The following OSBPL2 variants were observed in gnomAD, a reference collection of about 807,000 sequenced individuals.
The protein encoded by OSBPL2 is oxysterol-binding protein-related protein 2.
A neutral mutation model predicts 58.4 loss-of-function variants in OSBPL2; 18 were observed. That is an observed-to-expected ratio of 0.31 (90% CI 0.21 to 0.46). The LOEUF (loss-of-function observed/expected upper bound fraction) is 0.46. Among genes scored for constraint, OSBPL2 ranks in the 20% least tolerant of loss-of-function variants. The probability of loss-of-function intolerance (pLI) is 1.00; values close to 1 mark genes in which losing one functional copy is unlikely to be tolerated. For synonymous variants in OSBPL2, 221 were observed against 234.1 expected (o/e 0.94, Z 0.51); for missense variants, 461 against 616.5 (o/e 0.75, Z 2.67).
rs534119445 is a variant in OSBPL2, at chr20:62,288,700, C to G, written c.1126-507C>G. Reference sequence around the variant, plus strand: ...GCTGCGAGCCAGAAGTCAGGCAGAGCAAGGCTCTGGGAGTCCTGGGCACGG... The same window carrying G: ...GCTGCGAGCCAGAAGTCAGGCAGAGGAAGGCTCTGGGAGTCCTGGGCACGG... On this transcript the variant is annotated intron_variant, in intron 11 of 13. Coordinates refer to ENST00000313733, the MANE Select transcript of OSBPL2 (RefSeq NM_144498.4). The surrounding 1 kb of genome is among the most constrained non-coding windows in gnomAD (Gnocchi z 4.8). Among the ~76,000 whole-genome samples, 46 of 152,296 alleles carry G rather than the reference C, an allele frequency of 3.0e-4. No homozygotes were observed. The highest frequency in any genetic ancestry group is 6.2e-4 in the South Asian group (3 of 4,832).
rs530277422 is a variant in OSBPL2 at position 62,266,383 on chromosome 20, T to G, written c.258+2692T>G. Among the ~76,000 whole-genome samples the G allele has an allele frequency of 2.6e-5, 4 of 152,336 alleles. No individual in the cohort carries two copies. In the South Asian group the frequency reaches 8.3e-4, roughly 32 times the overall value. The stretch of plus-strand genomic sequence containing the variant: ...CTTTTTACTACTTCTCAGCTTGTAT[T>G]GAAAAAACACAAGCACACTTGGCAA... On this transcript the variant is annotated intron_variant, in intron 4 of 13. Transcript: ENST00000313733.
intron 4 of OSBPL2, among the ~76,000 whole-genome samples, chr20:62,266,096 T>C (rs1981640440): frequency 6.6e-6 from 1 of 152,190 alleles, no homozygotes; most frequent in African/African-American, 2.4e-5. Context: ...TGCTCCAGCC[T>C]AGATGACAGA....
At chr20:62,245,582 G>C (rs1274687035) in intron 1 of OSBPL2, among the ~76,000 whole-genome samples, 1 of 152,214 alleles carries the variant, frequency 6.6e-6, no homozygotes, top group Non-Finnish European at 1.5e-5. Context: ...GTCTCCTGGA[G>C]CTTCTGATGC....
rs1440387728 is a variant in OSBPL2, at chr20:62,281,354, C to T, written c.782+189C>T. ...ACCGGTGTTGGCCATGAATGCTCCT[C>T]GTTCAAGACCTCGTTTTTCGTCACG... is the stretch of plus-strand genomic sequence containing the variant. On this transcript the variant is annotated intron_variant, in intron 8 of 13. Transcript: ENST00000313733. 3.5e-5 allele frequency: 20 copies of T among 572,994 alleles called. No homozygotes were observed. The East Asian group carries it at 4.5e-4, about 13-fold the overall frequency. The allele number at this position is 572,994 out of a possible 1,614,324, so 35.5% of individuals were successfully genotyped here.
rs1278743305 is a variant in OSBPL2 at position 62,288,553 on chromosome 20, A to G, written c.1126-654A>G. ...GCAGAGGCTGGGAGGCTGTGGGTGC[A>G]GAGGCCGGAGGCTGTGGGTGCAGAG... On this transcript the variant is annotated intron_variant, in intron 11 of 13. Transcript: ENST00000313733. The surrounding 1 kb of genome is among the most constrained non-coding windows in gnomAD (Gnocchi z 4.8). 2.7e-5 allele frequency among the ~76,000 whole-genome samples: 4 copies of G among 145,942 alleles called. No individual in the cohort carries two copies. The highest frequency in any genetic ancestry group is 1.0e-4 in the African/African-American group (4 of 38,696).
In OSBPL2 at chr20:62,281,116, G is replaced by A. The variant is rs1323712852; in HGVS notation, c.733G>A (p.Gly245Arg). The change falls in exon 8 of 14, where the codon GGG becomes AGG. Residue 245 changes from glycine to arginine, a missense_variant. Around this residue, in one of 5 missense-constraint regions of OSBPL2, gnomAD observed 319 missense variants for 419.2 expected, o/e 0.76. Transcript: ENST00000313733. The part of the protein sequence containing the change: ...PTCCVHNVII[G>R]KLWIEQYGTV... The stretch of plus-strand genomic sequence containing the variant: ...CTGCTGCGTCCACAACGTCATCATC[G>A]GGAAGCTGTGGATAGAGCAGTATGG... The A allele has an allele frequency of 3.1e-6, 5 of 1,614,090 alleles. No individual in the cohort carries two copies. Among genetic ancestry groups the A allele is most frequent in the Non-Finnish European group, 4.2e-6 (5 of 1,180,042 alleles).
At chr20:62,273,476 C>A in intron 6 of OSBPL2, 70 bp downstream of exon 6, 1 of 1,159,458 alleles carries the variant, frequency 8.6e-7, no homozygotes, top group Non-Finnish European at 1.3e-6. Flanking sequence ...AAGTTTGATT[C>A]TTTCACTAGC....
intron 1 of OSBPL2, among the ~76,000 whole-genome samples, chr20:62,250,124 A>G (rs1980425183): frequency 6.6e-6 from 1 of 152,256 alleles, no homozygotes; most frequent in Non-Finnish European, 1.5e-5. Context: ...GGGCGGGACC[A>G]CCACAGTTCC....
At chr20:62,266,013 T>G (rs1225635922) in intron 4 of OSBPL2, among the ~76,000 whole-genome samples, 1 of 152,014 alleles carries the variant, frequency 6.6e-6, no homozygotes, top group East Asian at 1.9e-4. Context: ...ATCCAGTTAC[T>G]GGGGAGGCTG....
intron 1 of OSBPL2, among the ~76,000 whole-genome samples, chr20:62,244,844 G>A (rs762288551): frequency 1.3e-5 from 2 of 152,218 alleles, no homozygotes; most frequent in African/African-American, 2.4e-5. Context: ...GCTCACCTTT[G>A]CCTGCCTCTC....
At chr20:62,286,079 G>A (rs1983098548) in intron 10 of OSBPL2, 1 of 161,332 alleles carries the variant, frequency 6.2e-6, no homozygotes, top group African/African-American at 2.4e-5. Context: ...TAGGGACTGG[G>A]GCCCAGCTCC....
chr20:62,291,791 G>T lies in OSBPL2; in HGVS notation c.1338G>T (p.Thr446=), dbSNP rs775920191. Residue 446 remains threonine, a splice_region_variant and synonymous_variant, in exon 13 of 14, where the codon ACG becomes ACT. Transcript: ENST00000313733. Reference sequence around the variant, plus strand: ...CCAAGGAGGAGGCAGAGTGGCAGACGAGGTGAGTACTGTGGTAGCCACGCA... The same window carrying T: ...CCAAGGAGGAGGCAGAGTGGCAGACTAGGTGAGTACTGTGGTAGCCACGCA... ...ERAKEEAEWQ[T]RWFYPGNNPY... is the part of the protein sequence containing the mutation. The T allele has an allele frequency of 1.2e-6, 2 of 1,612,318 alleles. No individual in the cohort carries two copies. Among genetic ancestry groups the T allele is most frequent in the African/African-American group, 2.7e-5 (2 of 74,914 alleles).
At chr20:62,263,376 C>T (rs1431751833) in intron 3 of OSBPL2, among the ~76,000 whole-genome samples, 2 of 152,126 alleles carry the variant, frequency 1.3e-5, no homozygotes, top group Non-Finnish European at 2.9e-5. Context: ...AGGGCCACTG[C>T]GGGGCCAAGA....
At chr20:62,246,257 T>G (rs1980109513) in intron 1 of OSBPL2, among the ~76,000 whole-genome samples, 1 of 152,224 alleles carries the variant, frequency 6.6e-6, no homozygotes, top group Admixed American at 6.5e-5. Context: ...GCCACTGCCG[T>G]GGGTGGCTGT....
In OSBPL2 at chr20:62,286,855, G is replaced by A. The variant is rs145762195; in HGVS notation, c.1125+144G>A. 6,719 of 971,592 alleles carry A rather than the reference G, an allele frequency of 6.9e-3. 78 individuals carry two copies. The highest frequency in any genetic ancestry group is 0.04 in the Middle Eastern group (116 of 2,936). 60.2% of individuals were successfully genotyped at this position (971,592 alleles called of 1,614,324 possible). ...TGTCCCAGAGCAGACAGGGGCCTCC[G>A]CCATTGTCGGAGTGGCTTCTGTTGT... On this transcript the variant is annotated intron_variant, in intron 11 of 13. Transcript: ENST00000313733.
At chr20:62,290,800 G>A (rs750633400) in intron 12 of OSBPL2, among the ~76,000 whole-genome samples, 16 of 148,230 alleles carry the variant, frequency 1.1e-4, no homozygotes, top group South Asian at 6.5e-4. Context: ...GTGCAGTGGC[G>A]TGATCTCGGC....
chr20:62,278,882 G>A (rs1001569008), intron 6 of OSBPL2: 9 of 411,304 alleles, frequency 2.2e-5, no homozygotes, highest in Non-Finnish European at 3.0e-5. Flanking sequence ...TGTGTTTGTT[G>A]CCAACGTTAG....
chr20:62,272,949 G>A (rs942157370), intron 5 of OSBPL2, among the ~76,000 whole-genome samples: 1 of 152,226 alleles, frequency 6.6e-6, no homozygotes, highest in African/African-American at 2.4e-5. Context: ...ACGTGTGCAC[G>A]TGTGTGCGCA....
intron 1 of OSBPL2, among the ~76,000 whole-genome samples, chr20:62,247,885 G>T (rs540667942): frequency 4.6e-5 from 7 of 151,814 alleles, no homozygotes; most frequent in Admixed American, 2.0e-4. Context: ...GGCTGGTCTC[G>T]AACTCCTGAC....
Sources: gnomAD v4.1 joint callset for allele counts (sites outside exome capture counted in the v4.1 genomes callset) on GRCh38, gnomAD v4.1.1 for gene constraint, gnomAD v4.1.1 regional missense constraint, Gnocchi (gnomAD v3.1) non-coding constraint, MANE v1.5 for transcripts, NCBI Gene and HGNC (gene_info 2026-07-23, HGNC 2026-07-21) for gene names.